The following JARID2 variants were observed in gnomAD, a reference collection of about 807,000 sequenced individuals.
The protein encoded by JARID2 is jumonji and AT-rich interaction domain containing 2.
JARID2 carries 21 observed loss-of-function variants against 125.6 expected under a neutral mutation model. The observed-to-expected ratio is 0.17, with a 90% CI of 0.12 to 0.24. JARID2 has a LOEUF of 0.24. Among genes scored for constraint, JARID2 ranks in the 10% least tolerant of loss-of-function variants. The pLI, the probability that JARID2 is intolerant of heterozygous loss-of-function variation, is 1.00. For synonymous variants in JARID2, 736 were observed against 661.6 expected (o/e 1.11, Z -1.73); for missense variants, 1,303 against 1,639.6 (o/e 0.79, Z 3.55).
rs146025914 is a variant in JARID2, at chr6:15,433,921, G to GGTGTGTGTGTGT, written c.324-18046_324-18035dup. ...TTTTCCAGTAGCCCTCACTCTCCAG[G>GGTGTGTGTGTGT]GTGTGTGTGTGTGTGTGTGTGTGTG... On this transcript the variant is annotated intron_variant, in intron 3 of 17. Transcript: ENST00000341776. Among the ~76,000 whole-genome samples the GGTGTGTGTGTGT allele has an allele frequency of 3.1e-3, 406 of 131,350 alleles. 7 individuals carry two copies. Among genetic ancestry groups the GGTGTGTGTGTGT allele is most frequent in the East Asian group, 0.016 (68 of 4,190 alleles). The allele number at this position is 131,350 out of a possible 152,430, so 86.2% of individuals were successfully genotyped here. A position where few individuals can be genotyped will look rare whatever the true frequency, so the allele number is the denominator to read the frequency against.
intron 1 of JARID2, among the ~76,000 whole-genome samples, chr6:15,297,137 GTTA>G (rs1761444086): frequency 6.6e-6 from 1 of 152,042 alleles, no homozygotes; most frequent in Admixed American, 6.6e-5. Context: ...TGCTTATCTG[GTTA>G]TTATTATTTT....
intron 9 of JARID2, among the ~76,000 whole-genome samples, chr6:15,506,251 A>G (rs2127753987): frequency 6.6e-6 from 1 of 152,352 alleles, no homozygotes; most frequent in Non-Finnish European, 1.5e-5. Context: ...CAGGCGCACC[A>G]GACGCTGGTT....
chr6:15,392,680 C>CTTTTTTTTTTTTTT (rs35429221), intron 2 of JARID2, among the ~76,000 whole-genome samples: 1 of 120,918 alleles, frequency 8.3e-6, no homozygotes, highest in African/African-American at 3.3e-5. Context: ...GATTAAGAGA[C>CTTTTTTTTTTTTTT]TTTTTTTTTT....
chr6:15,270,905 C>A (rs1012935639), intron 1 of JARID2, among the ~76,000 whole-genome samples: 2 of 151,772 alleles, frequency 1.3e-5, no homozygotes. Context: ...CTTGCCACTG[C>A]ACTCCAGCCT....
chr6:15,515,047 CT>C (rs60113331), intron 16 of JARID2, among the ~76,000 whole-genome samples: 35,685 of 150,912 alleles, frequency 0.24, 4,935 homozygotes, highest in East Asian at 0.43. Flanking sequence ...TCTCTCTGTT[CT>C]TTTTTTTTTT....
In JARID2 at chr6:15,501,185, G is replaced by C. The variant is rs139860744; in HGVS notation, c.2224G>C (p.Glu742Gln). The part of the protein sequence containing the change: ...KRKGPLEGHT[E>Q]NDHHKFHPLP... ...CAAGGGGCCGCTGGAAGGCCACACA[G>C]AGAACGACCACCACAAGTTCCACCC... The change falls in exon 8 of 18, where the codon GAG becomes CAG. Residue 742 changes from glutamate (E) to glutamine (Q), a missense_variant. Around this residue, in one of 11 missense-constraint regions of JARID2, gnomAD observed 124 missense variants for 131.0 expected, o/e 0.95. Transcript: ENST00000341776. 90 of 1,614,146 alleles carry C rather than the reference G, an allele frequency of 5.6e-5. No homozygotes were observed. The African/African-American group carries it at 6.5e-4, about 12-fold the overall frequency.
intron 1 of JARID2, among the ~76,000 whole-genome samples, chr6:15,341,217 G>A (rs565492136): frequency 3.3e-5 from 5 of 152,154 alleles, no homozygotes; most frequent in Non-Finnish European, 7.4e-5. Flanking sequence ...AATAATGCCT[G>A]CTGCCCAGCC....
chr6:15,376,490 A>T (rs919269661), intron 2 of JARID2, among the ~76,000 whole-genome samples: 1 of 152,088 alleles, frequency 6.6e-6, no homozygotes, highest in Admixed American at 6.5e-5. Context: ...CCGAGGAGGG[A>T]GGATTGCTGG....
chr6:15,331,356 CA>C (rs202118241), intron 1 of JARID2, among the ~76,000 whole-genome samples: 1,145 of 112,266 alleles, frequency 0.01, 17 homozygotes, highest in African/African-American at 0.032. Context: ...AAAACAAAAA[CA>C]AAAAAAACAA....
At chr6:15,361,159 C>T (rs550864851) in intron 1 of JARID2, among the ~76,000 whole-genome samples, 7 of 152,226 alleles carry the variant, frequency 4.6e-5, no homozygotes, top group East Asian at 1.9e-4. Context: ...TTTTCACACA[C>T]GCCACATCTA....
chr6:15,465,182 G>T (rs1040189052), intron 4 of JARID2, among the ~76,000 whole-genome samples: 22 of 152,184 alleles, frequency 1.4e-4, no homozygotes, highest in African/African-American at 4.3e-4. Flanking sequence ...GGCCGGGCAT[G>T]GTGGCTCACT....
intron 1 of JARID2, among the ~76,000 whole-genome samples, chr6:15,306,497 C>T (rs1761833161): frequency 6.6e-6 from 1 of 151,750 alleles, no homozygotes; most frequent in African/African-American, 2.4e-5. Context: ...ACACGCCCAG[C>T]TAATTTTTGT....
chr6:15,268,517 T>A (rs1280693008), intron 1 of JARID2, among the ~76,000 whole-genome samples: 1 of 152,122 alleles, frequency 6.6e-6, no homozygotes, highest in African/African-American at 2.4e-5. Flanking sequence ...GAATGTGTAC[T>A]TATATCCGAA....
chr6:15,266,329 A>G lies in JARID2; in HGVS notation c.45+19745A>G, dbSNP rs145132075. Among the ~76,000 whole-genome samples, 10 of 152,314 alleles carry G rather than the reference A, an allele frequency of 6.6e-5. No homozygotes were observed. In the East Asian group the frequency reaches 1.7e-3, roughly 26 times the overall value. Reference sequence around the variant, plus strand: ...ATGATCTTCCAACAGAGAGCAAACAACATAAGTAATAGTTTAGAGTTTTAC... The same window carrying G: ...ATGATCTTCCAACAGAGAGCAAACAGCATAAGTAATAGTTTAGAGTTTTAC... On this transcript the variant is annotated intron_variant, in intron 1 of 17. Coordinates refer to ENST00000341776, the MANE Select transcript of JARID2 (RefSeq NM_004973.4).
At chr6:15,506,726 A>T (rs1398389901) in intron 9 of JARID2, among the ~76,000 whole-genome samples, 1 of 152,166 alleles carries the variant, frequency 6.6e-6, no homozygotes, top group Non-Finnish European at 1.5e-5. Context: ...GCTTTATATA[A>T]TTGGCGGTTA....
At chr6:15,362,120 C>A (rs1345402209) in intron 1 of JARID2, among the ~76,000 whole-genome samples, 1 of 151,226 alleles carries the variant, frequency 6.6e-6, no homozygotes, top group Non-Finnish European at 1.5e-5. Flanking sequence ...CTCTTGACCT[C>A]AGGTGATCTG....
At chr6:15,498,876 A>G (rs557741661) in intron 7 of JARID2, among the ~76,000 whole-genome samples, 12 of 152,216 alleles carry the variant, frequency 7.9e-5, no homozygotes, top group Non-Finnish European at 1.8e-4. Context: ...TGAGTCAGTG[A>G]TGGAACCGCA....
intron 3 of JARID2, among the ~76,000 whole-genome samples, chr6:15,445,633 GA>G (rs1377833783): frequency 6.6e-6 from 1 of 152,220 alleles, no homozygotes; most frequent in Non-Finnish European, 1.5e-5. Flanking sequence ...CTTGTTGCAT[GA>G]GGTGTGTCAG....
chr6:15,311,371 A>G (rs957501735), intron 1 of JARID2, among the ~76,000 whole-genome samples: 1 of 152,196 alleles, frequency 6.6e-6, no homozygotes, highest in African/African-American at 2.4e-5. Flanking sequence ...TGTGGTTGGG[A>G]GTTCGAGACT....
Sources: gnomAD v4.1 joint callset for allele counts (sites outside exome capture counted in the v4.1 genomes callset) on GRCh38, gnomAD v4.1.1 for gene constraint, gnomAD v4.1.1 regional missense constraint, MANE v1.5 for transcripts, NCBI Gene and HGNC (gene_info 2026-07-23, HGNC 2026-07-21) for gene names.